GPRIN3: variants seen among roughly 807,000 people sequenced by gnomAD.
GPRIN3 encodes GPRIN family member 3, also known as G protein-regulated inducer of neurite outgrowth 3.
GPRIN3 carries 12 observed loss-of-function variants against 13.7 expected under a neutral mutation model. That is an observed-to-expected ratio of 0.87 (90% CI 0.56 to 1.42). The LOEUF is 1.42. GPRIN3 is among the 40% of genes most tolerant of loss of function. GPRIN3 has a pLI of 0.00. For synonymous variants in GPRIN3, 377 were observed against 372.7 expected, an observed-to-expected ratio of 1.01 and a Z score of -0.13; for missense variants, 1,009 against 958.7, an observed-to-expected ratio of 1.05 and a Z score of -0.69.
intron 1 of GPRIN3, among the ~76,000 whole-genome samples, chr4:89,254,527 C>G (rs140329023): frequency 1.0e-3 from 155 of 152,274 alleles, no homozygotes; most frequent in Non-Finnish European, 1.6e-3. Context: ...GCCTCCAGCT[C>G]TATCCATGTT....
chr4:89,290,552 C>T (rs1002762814), intron 1 of GPRIN3, among the ~76,000 whole-genome samples: 4 of 152,066 alleles, frequency 2.6e-5, no homozygotes, highest in Non-Finnish European at 4.4e-5. Context: ...CAAAATAACC[C>T]GTTCCTGATA....
chr4:89,285,827 G>T (rs1724390898), intron 1 of GPRIN3, among the ~76,000 whole-genome samples: 1 of 152,188 alleles, frequency 6.6e-6, no homozygotes, highest in South Asian at 2.1e-4. Context: ...AATTACTATG[G>T]ATAAGTAGCT....
chr4:89,264,926 C>CT (rs1250744588), intron 1 of GPRIN3, among the ~76,000 whole-genome samples: 2 of 152,096 alleles, frequency 1.3e-5, no homozygotes, highest in Non-Finnish European at 1.5e-5. Flanking sequence ...AAGATTTTGT[C>CT]TTTTTTTGCT....
Position 89,248,826 on chromosome 4 carries a change from TACTGGAG to T in GPRIN3, c.1278_1284del (p.Ser427MetfsTer12). ...TCTTCTTTACACGTATGCTGGGCAT[TACTGGAG>T]ACCAAATTGATTGATGAGGTTTTAA... On this transcript the variant is annotated frameshift_variant, in exon 2 of 2. Coordinates refer to ENST00000609438, the MANE Select transcript of GPRIN3 (RefSeq NM_198281.3). LOFTEE classifies it low-confidence loss of function (END_TRUNC). The T allele has an allele frequency of 6.2e-7, 1 of 1,614,200 alleles. No individual in the cohort carries two copies. The highest frequency in any genetic ancestry group is 8.5e-7 in the Non-Finnish European group (1 of 1,180,024).
At position 89,247,564 on chromosome 4, in the gene GPRIN3, T is replaced by C. The variant is rs1163880637; in HGVS notation, c.*216A>G. 6.2e-6 allele frequency: 3 copies of C among 484,240 alleles called. No individual in the cohort carries two copies. The highest frequency in any genetic ancestry group is 1.1e-5 in the Non-Finnish European group (3 of 275,262). 30.0% of individuals were successfully genotyped at this position (484,240 alleles called of 1,614,324 possible). On this transcript the variant is annotated 3_prime_UTR_variant, in exon 2 of 2. Coordinates refer to ENST00000609438, the MANE Select transcript of GPRIN3 (RefSeq NM_198281.3). Reference sequence around the variant, plus strand: ...AAGGTTGCAAACCTTCAGTGAAGCTTGTTTCTCTTTTCTTGTTCCTTCTTT... The same window carrying C: ...AAGGTTGCAAACCTTCAGTGAAGCTCGTTTCTCTTTTCTTGTTCCTTCTTT...
At chr4:89,286,091 G>GTGTGTATA (rs1039903535) in intron 1 of GPRIN3, among the ~76,000 whole-genome samples, 119 of 146,720 alleles carry the variant, frequency 8.1e-4, no homozygotes, top group Non-Finnish European at 1.2e-3. Context: ...ATGTGTGTGT[G>GTGTGTATA]TATATATATA....
intron 1 of GPRIN3, among the ~76,000 whole-genome samples, chr4:89,296,411 T>G (rs1458268623): frequency 6.6e-6 from 1 of 152,202 alleles, no homozygotes; most frequent in Non-Finnish European, 1.5e-5. Context: ...GAACTACAGT[T>G]TTAAGAAGGA....
rs1722814537 is a variant in GPRIN3 at position 89,237,357 on chromosome 4, T to C, written c.*10423A>G. ...TTCAGAAGTTCATTAAGAATGTGTA[T>C]GCCATGGTCTAAATGTCTGTATCCC... is the stretch of plus-strand genomic sequence containing the variant. On this transcript the variant is annotated 3_prime_UTR_variant, in exon 2 of 2. Coordinates refer to ENST00000609438, the MANE Select transcript of GPRIN3 (RefSeq NM_198281.3). The C allele has an allele frequency of 6.6e-6, 1 of 152,220 alleles. No individual in the cohort carries two copies. The highest frequency in any genetic ancestry group is 2.1e-4 in the South Asian group (1 of 4,834). The allele number at this position is 152,220 out of a possible 1,614,324, so 9.4% of individuals were successfully genotyped here. A position where few individuals can be genotyped will look rare whatever the true frequency, so the allele number is the denominator to read the frequency against.
chr4:89,285,546 A>G (rs370914363), intron 1 of GPRIN3, among the ~76,000 whole-genome samples: 52 of 152,310 alleles, frequency 3.4e-4, no homozygotes, highest in African/African-American at 1.2e-3. Flanking sequence ...CAATCATAGA[A>G]TAACCAAAAG....
chr4:89,297,750 C>T (rs1055385200), intron 1 of GPRIN3, among the ~76,000 whole-genome samples: 1 of 152,168 alleles, frequency 6.6e-6, no homozygotes, highest in African/African-American at 2.4e-5. Context: ...TTTCACAGAG[C>T]AGCTACATAA....
chr4:89,282,787 G>A (rs1724289108), intron 1 of GPRIN3, among the ~76,000 whole-genome samples: 3 of 152,020 alleles, frequency 2.0e-5, no homozygotes, highest in Admixed American at 6.5e-5. Context: ...CGTGGCCCGA[G>A]GTGGCTCAGA....
intron 1 of GPRIN3, among the ~76,000 whole-genome samples, chr4:89,304,856 CTCTCT>C (rs1724993492): frequency 1.3e-5 from 2 of 152,160 alleles, no homozygotes; most frequent in African/African-American, 4.8e-5. Flanking sequence ...CCCTCATTCT[CTCTCT>C]TATTTTTCTA....
At chr4:89,291,678 T>C (rs1332448095) in intron 1 of GPRIN3, among the ~76,000 whole-genome samples, 3 of 152,142 alleles carry the variant, frequency 2.0e-5, no homozygotes, top group Non-Finnish European at 4.4e-5. Context: ...CTTAGCTAAA[T>C]AGGAGTGGTC....
rs115289715 is a variant in GPRIN3 at position 89,267,182 on chromosome 4, G to A, written c.-123-16949C>T. Among the ~76,000 whole-genome samples, 1,382 of 152,232 alleles carry A rather than the reference G, an allele frequency of 9.1e-3. 11 individuals are homozygous for A. Among genetic ancestry groups the A allele is most frequent in the African/African-American group, 0.029 (1,210 of 41,532 alleles). ...GGGAAAACAAGATTCCTACCAAGTC[G>A]AACCCCATAGCCAAGAGGTTTCCCA... On this transcript the variant is annotated intron_variant, in intron 1 of 1. Transcript: ENST00000609438.
At chr4:89,282,375 A>T (rs1724276593) in intron 1 of GPRIN3, among the ~76,000 whole-genome samples, 4 of 152,208 alleles carry the variant, frequency 2.6e-5, no homozygotes, top group Admixed American at 2.6e-4. Context: ...TGTTTCCAAC[A>T]TGCCTTGTTA....
chr4:89,270,600 T>TATATATAA (rs1328112008), intron 1 of GPRIN3, among the ~76,000 whole-genome samples: 24 of 120,584 alleles, frequency 2.0e-4, no homozygotes, highest in African/African-American at 7.5e-4. Context: ...TATATATATA[T>TATATATAA]AAAATATAGA....
intron 1 of GPRIN3, among the ~76,000 whole-genome samples, chr4:89,300,149 T>C (rs1724855667): frequency 6.6e-6 from 1 of 152,154 alleles, no homozygotes; most frequent in African/African-American, 2.4e-5. Flanking sequence ...GGGTTAACTA[T>C]ATTTGGCGCC....
chr4:89,298,409 G>A (rs1389472639), intron 1 of GPRIN3, among the ~76,000 whole-genome samples: 1 of 152,046 alleles, frequency 6.6e-6, no homozygotes, highest in Non-Finnish European at 1.5e-5. Context: ...CGGAAATGAA[G>A]CTGAATTGCT....
Position 89,246,141 on chromosome 4 carries a change from A to C in GPRIN3, c.*1639T>G, listed in dbSNP as rs1017034917. On this transcript the variant is annotated 3_prime_UTR_variant, in exon 2 of 2. Transcript: ENST00000609438. ...TTCAGAATGTGCAGAACAGAATTAA[A>C]GTGAAAAAAGCCAGAACAGATACTG... The C allele has an allele frequency of 6.6e-6, 1 of 152,210 alleles. No homozygotes were observed. The highest frequency in any genetic ancestry group is 1.5e-5 in the Non-Finnish European group (1 of 68,050). The allele number at this position is 152,210 out of a possible 1,614,324, so 9.4% of individuals were successfully genotyped here. A position where few individuals can be genotyped will look rare whatever the true frequency, so the allele number is the denominator to read the frequency against.
Sources: allele counts gnomAD v4.1 joint callset (sites outside exome capture counted in the v4.1 genomes callset), GRCh38; gene constraint gnomAD v4.1.1; transcripts MANE v1.5; gene names NCBI Gene and HGNC (gene_info 2026-07-23, HGNC 2026-07-21).